PSD3: variants seen among roughly 807,000 people sequenced by gnomAD.
PSD3 encodes the protein PH and SEC7 domain-containing protein 3.
PSD3 carries 49 observed loss-of-function variants against 105.5 expected under a neutral mutation model. The observed-to-expected ratio is 0.46, with a 90% CI of 0.37 to 0.59. PSD3 has a LOEUF of 0.59. Among genes scored for constraint, PSD3 ranks in the 20% least tolerant of loss-of-function variants. The pLI is 0.00. For missense variants in PSD3, 1,561 were observed against 1,263.8 expected (o/e 1.24, Z -3.57); for synonymous variants, 557 against 457.8 (o/e 1.22, Z -2.77).
At chr8:18,964,604 C>G (rs1044052307) in intron 1 of PSD3, among the ~76,000 whole-genome samples, 3 of 151,956 alleles carry the variant, frequency 2.0e-5, no homozygotes, top group Non-Finnish European at 4.4e-5. Context: ...CATGAACAAC[C>G]AGCTACTCTT....
Position 18,616,628 on chromosome 8 carries a change from C to CTTT in PSD3, c.2410+15982_2410+15984dup, listed in dbSNP as rs71217391. Among the ~76,000 whole-genome samples, 13 of 126,774 alleles carry CTTT rather than the reference C, an allele frequency of 1.0e-4. 1 individual carries two copies. Among genetic ancestry groups the CTTT allele is most frequent in the East Asian group, 2.2e-4 (1 of 4,512 alleles). 83.2% of individuals were successfully genotyped at this position (126,774 alleles called of 152,430 possible). ...GCCTCATCTTCCTCTCTTTTCTTTT[C>CTTT]TTTTTTTTTTTTTGAGACGGAGTCT... On this transcript the variant is annotated intron_variant, in intron 11 of 15. Coordinates refer to ENST00000327040, the MANE Select transcript of PSD3 (RefSeq NM_015310.4).
chr8:18,635,909 G>T (rs1807213521), intron 10 of PSD3, among the ~76,000 whole-genome samples: 1 of 151,938 alleles, frequency 6.6e-6, no homozygotes, highest in Non-Finnish European at 1.5e-5. Flanking sequence ...GCAAGGGGAG[G>T]GAGGAGAGCA....
intron 2 of PSD3, among the ~76,000 whole-genome samples, chr8:18,901,103 T>A (rs1236670593): frequency 6.6e-6 from 1 of 152,240 alleles, no homozygotes; most frequent in Non-Finnish European, 1.5e-5. Flanking sequence ...TTCTATTTCA[T>A]GGTAATAAAT....
At chr8:18,865,898 G>A (rs986405542) in intron 4 of PSD3, among the ~76,000 whole-genome samples, 9 of 152,112 alleles carry the variant, frequency 5.9e-5, no homozygotes, top group East Asian at 1.9e-4. Flanking sequence ...GTCCATCCTC[G>A]TGACTGGCAC....
chr8:18,781,555 T>C (rs1225479076), intron 8 of PSD3, among the ~76,000 whole-genome samples: 3 of 152,164 alleles, frequency 2.0e-5, no homozygotes, highest in Non-Finnish European at 4.4e-5. Context: ...GCCTGGAAGG[T>C]TTCTGCTAAG....
At chr8:18,856,138 T>C (rs1038162860) in intron 4 of PSD3, among the ~76,000 whole-genome samples, 13 of 152,210 alleles carry the variant, frequency 8.5e-5, no homozygotes, top group African/African-American at 2.9e-4. Flanking sequence ...CACAACCCTT[T>C]ACACATAGCC....
At chr8:18,546,156 C>T (rs537384576) in intron 15 of PSD3, among the ~76,000 whole-genome samples, 27 of 152,068 alleles carry the variant, frequency 1.8e-4, no homozygotes, top group Non-Finnish European at 3.7e-4. Context: ...CCACCATGCC[C>T]GCCTAATATT....
intron 11 of PSD3, among the ~76,000 whole-genome samples, chr8:18,613,541 G>GT (rs34714509): frequency 0.075 from 11,344 of 151,836 alleles, 553 homozygotes; most frequent in South Asian, 0.15. Flanking sequence ...CAAGAACCCC[G>GT]TTTTTTTTCC....
At chr8:18,849,648 G>C (rs1815408563) in intron 4 of PSD3, 1 of 152,170 alleles carries the variant, frequency 6.6e-6, no homozygotes, top group African/African-American at 2.4e-5. Flanking sequence ...AGGCGCTACA[G>C]TAATTACAAA....
rs1325222551 is a variant in PSD3, at chr8:18,562,569, T to G, written c.2785-6217A>C. Among the ~76,000 whole-genome samples, 5 of 152,178 alleles carry G rather than the reference T, an allele frequency of 3.3e-5. No individual in the cohort carries two copies. The South Asian group carries it at 8.3e-4, about 25-fold the overall frequency. The stretch of plus-strand genomic sequence containing the variant: ...ACGTGCAGGCTGGACTCAGGGTTAC[T>G]CACCTTGCTCCAAATTCCACTCAAA... On this transcript the variant is annotated intron_variant, in intron 14 of 15. Coordinates refer to ENST00000327040, the MANE Select transcript of PSD3 (RefSeq NM_015310.4).
At chr8:19,007,638 G>A (rs1294645269) in intron 1 of PSD3, among the ~76,000 whole-genome samples, 1 of 151,968 alleles carries the variant, frequency 6.6e-6, no homozygotes, top group African/African-American at 2.4e-5. Context: ...GCACTAGTAC[G>A]ATCCAAGTGA....
chr8:18,695,281 GACACA>G (rs1348850828), intron 9 of PSD3, among the ~76,000 whole-genome samples: 2 of 28,396 alleles, frequency 7.0e-5, no homozygotes, highest in East Asian at 3.3e-4. Context: ...GGAAACTGCA[GACACA>G]ACAGTCATTG....
chr8:18,973,844 C>T (rs777114693), intron 1 of PSD3, among the ~76,000 whole-genome samples: 7 of 152,174 alleles, frequency 4.6e-5, no homozygotes, highest in Non-Finnish European at 8.8e-5. Flanking sequence ...TAAGGACTTA[C>T]TATGAACCAA....
At chr8:18,565,092 C>T (rs1383752980) in intron 14 of PSD3, among the ~76,000 whole-genome samples, 3 of 152,052 alleles carry the variant, frequency 2.0e-5, no homozygotes, top group African/African-American at 7.3e-5. Flanking sequence ...TCTGGAGCCA[C>T]CTGCCGGCCT....
intron 9 of PSD3, among the ~76,000 whole-genome samples, chr8:18,675,089 CAA>C (rs1214198930): frequency 3.9e-5 from 6 of 152,234 alleles, no homozygotes; most frequent in Admixed American, 3.9e-4. Context: ...GAGTGACAGT[CAA>C]GAGCTGCTTC....
At chr8:18,793,652 C>T (rs1809958652) in intron 8 of PSD3, among the ~76,000 whole-genome samples, 2 of 152,128 alleles carry the variant, frequency 1.3e-5, no homozygotes, top group Admixed American at 1.3e-4. Context: ...CAGGGGAAAG[C>T]TCAGAGAGAA....
intron 1 of PSD3, among the ~76,000 whole-genome samples, chr8:19,006,000 C>G (rs991213328): frequency 6.6e-6 from 1 of 151,830 alleles, no homozygotes; most frequent in African/African-American, 2.4e-5. Flanking sequence ...CACCACCTAC[C>G]TTTCAATACT....
In PSD3 at chr8:18,778,887, A is replaced by C. The variant is rs1808344043; in HGVS notation, c.2083-13349T>G. ...ATTTTGCTGAGGAATTTTGCATCTA[A>C]GTTCGTCAGGAATACTGGCCTATAG... On this transcript the variant is annotated intron_variant, in intron 8 of 15. Transcript: ENST00000327040. Among the ~76,000 whole-genome samples, 2 of 152,034 alleles carry C rather than the reference A, an allele frequency of 1.3e-5. 1 individual carries two copies. The highest frequency in any genetic ancestry group is 4.1e-4 in the South Asian group (2 of 4,828).
intron 1 of PSD3, chr8:19,001,868 C>A: frequency 5.7e-6 from 1 of 175,358 alleles, no homozygotes; most frequent in East Asian, 1.4e-4. Context: ...TGCGGTGTCC[C>A]CAGCATCCCC....
Sources: gnomAD v4.1 joint callset for allele counts (sites outside exome capture counted in the v4.1 genomes callset) on GRCh38, gnomAD v4.1.1 for gene constraint, MANE v1.5 for transcripts, NCBI Gene and HGNC (gene_info 2026-07-23, HGNC 2026-07-21) for gene names.